AGFG1: variants seen among roughly 807,000 people sequenced by gnomAD.
AGFG1 encodes the protein arf-GAP domain and FG repeat-containing protein 1.
AGFG1 carries 10 observed loss-of-function variants against 60.6 expected under a neutral mutation model. That is an observed-to-expected ratio of 0.16 (90% CI 0.10 to 0.28). The LOEUF (loss-of-function observed/expected upper bound fraction) is 0.28. Among genes scored for constraint, AGFG1 ranks in the 10% least tolerant of loss-of-function variants. AGFG1 has a pLI of 1.00. For missense variants in AGFG1, 537 were observed against 676.5 expected, an observed-to-expected ratio of 0.79 and a Z score of 2.29; for synonymous variants, 247 against 242.9, an observed-to-expected ratio of 1.02 and a Z score of -0.16.
Position 227,559,960 on chromosome 2 carries a change from C to T in AGFG1, c.*5465C>T, listed in dbSNP as rs1341062663. On this transcript the variant is annotated 3_prime_UTR_variant, in exon 13 of 13. Transcript: ENST00000310078. Reference sequence around the variant, plus strand: ...AAAATTATGCAGTATACACAAAGGGCATAAAGTCAAAAAGTGTGTCTCCCT... The same window carrying T: ...AAAATTATGCAGTATACACAAAGGGTATAAAGTCAAAAAGTGTGTCTCCCT... 1 of 152,064 alleles carries T rather than the reference C, an allele frequency of 6.6e-6. No homozygotes were observed. Among genetic ancestry groups the T allele is most frequent in the Non-Finnish European group, 1.5e-5 (1 of 67,962 alleles). 9.4% of individuals were successfully genotyped at this position (152,064 alleles called of 1,614,324 possible). A position where few individuals can be genotyped will look rare whatever the true frequency, so the allele number is the denominator to read the frequency against.
chr2:227,509,229 T>TA (rs1691420158), intron 2 of AGFG1, among the ~76,000 whole-genome samples: 1 of 152,148 alleles, frequency 6.6e-6, no homozygotes, highest in South Asian at 2.1e-4. Context: ...ACACGTCACT[T>TA]ACATAGTATC....
At chr2:227,529,124 C>T (rs1692086198) in intron 5 of AGFG1, among the ~76,000 whole-genome samples, 1 of 152,050 alleles carries the variant, frequency 6.6e-6, no homozygotes, top group African/African-American at 2.4e-5. Flanking sequence ...CAAGAAGAAA[C>T]TACTGAATTA....
At chr2:227,511,010 C>G (rs1691481816) in intron 2 of AGFG1, 1 of 151,994 alleles carries the variant, frequency 6.6e-6, no homozygotes, top group Non-Finnish European at 1.5e-5. Context: ...ACTTAGAAAA[C>G]AAGTGTTAAA....
chr2:227,513,916 T>C (rs772615231), intron 2 of AGFG1, among the ~76,000 whole-genome samples: 21 of 152,226 alleles, frequency 1.4e-4, no homozygotes, highest in Non-Finnish European at 2.2e-4. Context: ...CAGCCCATTA[T>C]TTGAAGCATT....
In AGFG1 at chr2:227,508,423, A is replaced by G. The variant is rs1186113482; in HGVS notation, c.262-11525A>G. The G allele has an allele frequency of 1.1e-5, 3 of 267,268 alleles. No individual in the cohort carries two copies. The Admixed American group carries it at 1.3e-4, about 12-fold the overall frequency. 16.6% of individuals were successfully genotyped at this position (267,268 alleles called of 1,614,324 possible). On this transcript the variant is annotated intron_variant, in intron 2 of 12. Transcript: ENST00000310078. ...GTTCTTAATCATTTCTGAAGGTTAT[A>G]TGACCAAACAAGCTAGCCCTCTTCT...
chr2:227,506,558 T>TTAA (rs1553542579), intron 2 of AGFG1, among the ~76,000 whole-genome samples: 1 of 106,306 alleles, frequency 9.4e-6, no homozygotes, highest in Non-Finnish European at 1.8e-5. Flanking sequence ...TGATGTTCCT[T>TTAA]AAAAAAAAAA....
intron 1 of AGFG1, among the ~76,000 whole-genome samples, chr2:227,490,360 C>T (rs143510607): frequency 0.049 from 7,422 of 152,114 alleles, 250 homozygotes; most frequent in African/African-American, 0.1. Flanking sequence ...AGGTGGATCA[C>T]GAGGTCAGGA....
chr2:227,497,218 A>G (rs1205464963), intron 2 of AGFG1, among the ~76,000 whole-genome samples: 1 of 145,928 alleles, frequency 6.9e-6, no homozygotes, highest in Non-Finnish European at 1.5e-5. Context: ...TCTTTAGATT[A>G]AGGCAGTATA....
intron 1 of AGFG1, among the ~76,000 whole-genome samples, chr2:227,490,070 C>T (rs758678300): frequency 1.3e-5 from 2 of 152,158 alleles, no homozygotes; most frequent in Non-Finnish European, 2.9e-5. Flanking sequence ...GTCGTCTCGG[C>T]CCCCCAAAGT....
chr2:227,545,375 G>A (rs1358368563), intron 10 of AGFG1, among the ~76,000 whole-genome samples: 1 of 152,172 alleles, frequency 6.6e-6, no homozygotes, highest in Non-Finnish European at 1.5e-5. Flanking sequence ...TTTCTTCAAG[G>A]TTTTTAGCTT....
rs1214616848 is a variant in AGFG1, at chr2:227,552,178, G to A, written c.1537+61G>A. ...TTATGTATCCTTTTTATATCATAATGTTGTGTGCTTGGGCAGGAAGACTTT... is the reference window on the plus strand; with the variant it reads ...TTATGTATCCTTTTTATATCATAATATTGTGTGCTTGGGCAGGAAGACTTT... On this transcript the variant is annotated intron_variant, in intron 11 of 12. Coordinates refer to ENST00000310078, the MANE Select transcript of AGFG1 (RefSeq NM_004504.5). 5.0e-6 allele frequency: 8 copies of A among 1,586,926 alleles called. No individual in the cohort carries two copies. The African/African-American group carries it at 1.1e-4, about 21-fold the overall frequency.
intron 3 of AGFG1, 31 bp downstream of exon 3, chr2:227,520,094 C>A (rs748018572): frequency 1.6e-5 from 22 of 1,346,112 alleles, no homozygotes; most frequent in Non-Finnish European, 2.3e-5. Flanking sequence ...TAGAATAAAG[C>A]CTCCCCAAAT....
chr2:227,534,824 C>CTTGAT (rs1335207406), intron 7 of AGFG1, 21 bp from the exon 8 acceptor site: 12 of 1,604,332 alleles, frequency 7.5e-6, no homozygotes, highest in Admixed American at 5.1e-5. Context: ...TTTGGTGTAA[C>CTTGAT]TTGATTTTGT....
intron 6 of AGFG1, among the ~76,000 whole-genome samples, chr2:227,532,784 A>G (rs1206978759): frequency 6.6e-6 from 1 of 152,134 alleles, no homozygotes; most frequent in African/African-American, 2.4e-5. Context: ...AATGAAATAT[A>G]CTGGTTTTAG....
chr2:227,540,992 G>T (rs202154143), intron 10 of AGFG1, among the ~76,000 whole-genome samples: 7,861 of 152,230 alleles, frequency 0.052, 261 homozygotes, highest in African/African-American at 0.1. Context: ...CATAAATGTT[G>T]TCTTTTGAGA....
At chr2:227,473,398 T>C (rs1470608447) in intron 1 of AGFG1, among the ~76,000 whole-genome samples, 1 of 152,004 alleles carries the variant, frequency 6.6e-6, no homozygotes, top group Non-Finnish European at 1.5e-5. Flanking sequence ...TATGATGGAG[T>C]TATCTGTGAG....
At chr2:227,537,984 T>G (rs974157580) in intron 10 of AGFG1, among the ~76,000 whole-genome samples, 2 of 152,218 alleles carry the variant, frequency 1.3e-5, no homozygotes, top group African/African-American at 4.8e-5. Flanking sequence ...ACTCTGTTGG[T>G]AAGTAGCATA....
chr2:227,475,788 A>G (rs143649213), intron 1 of AGFG1, among the ~76,000 whole-genome samples: 6 of 152,308 alleles, frequency 3.9e-5, no homozygotes. Context: ...GGATTCAATG[A>G]TACACATCGT....
intron 2 of AGFG1, among the ~76,000 whole-genome samples, chr2:227,505,612 C>G (rs1208111337): frequency 6.6e-6 from 1 of 152,084 alleles, no homozygotes; most frequent in African/African-American, 2.4e-5. Flanking sequence ...TTGTCTTTTC[C>G]ATCTCTAGCA....
Sources: allele counts gnomAD v4.1 joint callset (sites outside exome capture counted in the v4.1 genomes callset), GRCh38; gene constraint gnomAD v4.1.1; transcripts MANE v1.5; gene names NCBI Gene and HGNC (gene_info 2026-07-23, HGNC 2026-07-21).